Variants in TTF1 observed in about 807,000 individuals in gnomAD.
The protein encoded by TTF1 is transcription termination factor 1.
In TTF1, 64 loss-of-function variants were observed where a neutral mutation model predicts 80.2. The ratio of observed to expected loss-of-function variants is 0.80; its 90% CI spans 0.65 to 0.98. The LOEUF (loss-of-function observed/expected upper bound fraction) is 0.98, where lower values mean the gene tolerates loss of function less well. Ranked by LOEUF, TTF1 falls within the 50% of genes least tolerant of loss-of-function variation. The pLI is 0.00. For missense variants in TTF1, 1,023 were observed against 1,086.2 expected (o/e 0.94, Z 0.82); for synonymous variants, 372 against 382.7 (o/e 0.97, Z 0.33).
At chr9:132,378,205 G>A (rs1458738492) in intron 10 of TTF1, among the ~76,000 whole-genome samples, 3 of 131,198 alleles carry the variant, frequency 2.3e-5, no homozygotes, top group African/African-American at 9.0e-5. Context: ...GCATGTGCGT[G>A]TGAATGCATG....
intron 1 of TTF1, among the ~76,000 whole-genome samples, chr9:132,405,021 G>A (rs1341508403): frequency 1.4e-5 from 2 of 147,580 alleles, no homozygotes; most frequent in African/African-American, 5.0e-5. Context: ...GAGTAGCTGG[G>A]ACTACAGGTG....
At chr9:132,386,898 C>T (rs908724647) in intron 8 of TTF1, among the ~76,000 whole-genome samples, 2 of 152,208 alleles carry the variant, frequency 1.3e-5, no homozygotes, top group South Asian at 2.1e-4. Flanking sequence ...GTAAAAAACA[C>T]CACCTCATCA....
chr9:132,401,716 G>T lies in TTF1; in HGVS notation c.1106C>A (p.Thr369Asn). The T allele has an allele frequency of 2.5e-6, 4 of 1,614,116 alleles. No homozygotes were observed. The highest frequency in any genetic ancestry group is 3.4e-6 in the Non-Finnish European group (4 of 1,179,952). The change falls in exon 2 of 11, where the codon ACT (threonine) becomes AAT (asparagine). Residue 369 changes from threonine (T) to asparagine (N), a missense_variant. Coordinates refer to ENST00000334270, the MANE Select transcript of TTF1 (RefSeq NM_007344.4). ...EGSQVGSEVG[T>N]VEGSTALKGF... ...TTTAAGAGCTGTACTGCCTTCCACA[G>T]TCCCAACCTCACTGCCCACCTGTGA...
chr9:132,396,756 C>T (rs999288791), intron 4 of TTF1, among the ~76,000 whole-genome samples: 2 of 151,698 alleles, frequency 1.3e-5, no homozygotes, highest in Non-Finnish European at 2.9e-5. Flanking sequence ...CAACCTCCAT[C>T]TCTTGGGTTC....
Position 132,401,491 on chromosome 9 carries a change from G to C in TTF1, c.1331C>G (p.Ala444Gly). The C allele has an allele frequency of 1.2e-6, 2 of 1,613,904 alleles. No individual in the cohort carries two copies. Among genetic ancestry groups the C allele is most frequent in the Non-Finnish European group, 1.7e-6 (2 of 1,179,898 alleles). Residue 444 changes from alanine (A) to glycine (G), a missense_variant, in exon 2 of 11, where the codon GCC (alanine) becomes GGC (glycine). Coordinates refer to ENST00000334270, the MANE Select transcript of TTF1 (RefSeq NM_007344.4). ...KSRPRQKKTQ[A>G]CLASKHVQEA... ...TTGCACGTGCTTGCTTGCCAAACAG[G>C]CCTGGGTTTTCTTTTGTCGGGGCCT... is the stretch of plus-strand genomic sequence containing the variant.
chr9:132,397,416 CA>C (rs1849671835), intron 4 of TTF1, among the ~76,000 whole-genome samples: 1 of 152,214 alleles, frequency 6.6e-6, no homozygotes, highest in Non-Finnish European at 1.5e-5. Context: ...TCCCATATGA[CA>C]GCATGACCTT....
intron 10 of TTF1, among the ~76,000 whole-genome samples, 168 bp downstream of exon 10, chr9:132,378,891 G>A (rs1849315707): frequency 6.6e-6 from 1 of 152,032 alleles, no homozygotes; most frequent in Non-Finnish European, 1.5e-5. Context: ...CTTCATTTAG[G>A]ACTTCTGGAA....
intron 5 of TTF1, among the ~76,000 whole-genome samples, chr9:132,394,412 T>G (rs1262187159): frequency 6.6e-6 from 1 of 152,018 alleles, no homozygotes; most frequent in Non-Finnish European, 1.5e-5. Context: ...CCCAAGTAGC[T>G]GGGATTATAA....
intron 1 of TTF1, among the ~76,000 whole-genome samples, chr9:132,405,553 T>C (rs1377218735): frequency 6.6e-6 from 1 of 152,226 alleles, no homozygotes; most frequent in East Asian, 1.9e-4. Flanking sequence ...TTCCTTTCCT[T>C]CTTTTTTGTA....
chr9:132,378,956 A>C lies in TTF1; in HGVS notation c.2464+103T>G, dbSNP rs1050946717. The C allele has an allele frequency of 6.4e-6, 5 of 784,494 alleles. No individual in the cohort carries two copies. In the African/African-American group the frequency reaches 9.0e-5, roughly 14 times the overall value. 48.6% of individuals were successfully genotyped at this position (784,494 alleles called of 1,614,324 possible). A position where few individuals can be genotyped will look rare whatever the true frequency, so the allele number is the denominator to read the frequency against. ...TGTTTCCACCATTTTGCAGCTGATG[A>C]AGCTGAGGCTCTAAGTCCAGTCACC... On this transcript the variant is annotated intron_variant, in intron 10 of 10. Coordinates refer to ENST00000334270, the MANE Select transcript of TTF1 (RefSeq NM_007344.4).
rs504525 is a variant in TTF1, at chr9:132,398,220, C to G, written c.1698G>C (p.Leu566=). ...ALTGIESADK[L]LYTDRYPEEK... The stretch of plus-strand genomic sequence containing the variant: ...CCTCAGGATATCTGTCCGTGTACAG[C>G]AGCTTGTCTGCACTCTCAATGCCTG... The change falls in exon 4 of 11, where the codon CTG becomes CTC. Residue 566 remains leucine, a synonymous_variant. Transcript: ENST00000334270. 1,334,002 of 1,603,352 alleles carry G rather than the reference C, an allele frequency of 0.83. 559,576 individuals are homozygous for G. Among genetic ancestry groups the G allele is most frequent in the Non-Finnish European group, 0.86 (1,015,177 of 1,176,726 alleles).
chr9:132,390,516 G>C (rs973759903), intron 7 of TTF1, 81 bp downstream of exon 7: 1 of 1,362,172 alleles, frequency 7.3e-7, no homozygotes, highest in Non-Finnish European at 1.0e-6. Flanking sequence ...GCTTCCCCAC[G>C]GCAGTTACAC....
chr9:132,402,336 T>C lies in TTF1; in HGVS notation c.486A>G (p.Lys162=). ...GCTTTTTATTCTTTTTCTCCCTAACTTTACTGTGCAGGGCTTCTGATTTAT... is the reference window on the plus strand; with the variant it reads ...GCTTTTTATTCTTTTTCTCCCTAACCTTACTGTGCAGGGCTTCTGATTTAT... The part of the protein sequence containing the change: ...HAHKSEALHS[K]VREKKNKKHQ... Residue 162 remains lysine (K), a synonymous_variant, in exon 2 of 11, where the codon AAA becomes AAG. Transcript: ENST00000334270. 6.2e-7 allele frequency: 1 copy of C among 1,614,140 alleles called. No individual in the cohort carries two copies. The highest frequency in any genetic ancestry group is 1.1e-5 in the South Asian group (1 of 91,080).
chr9:132,377,776 T>C (rs199845814), intron 10 of TTF1, among the ~76,000 whole-genome samples: 7,514 of 123,676 alleles, frequency 0.061, 315 homozygotes, highest in East Asian at 0.24. Context: ...GCATGTGGTG[T>C]GTGTGAGTGC....
rs756664211 is a variant in TTF1 at position 132,390,822 on chromosome 9, C to G, written c.1997G>C (p.Arg666Pro). The change falls in exon 7 of 11, where the codon CGT becomes CCT. Residue 666 changes from arginine (R) to proline (P), a missense_variant. By Grantham distance (103) the Arg-to-Pro change is moderately radical. Coordinates refer to ENST00000334270, the MANE Select transcript of TTF1 (RefSeq NM_007344.4). ...KFSQISSQRN[R>P]GAWSKSETRK... ...GGTTTCAGACTTACTCCAAGCACCACGATTTCTTTCTGTAGATATAAAAAG... is the reference window on the plus strand; with the variant it reads ...GGTTTCAGACTTACTCCAAGCACCAGGATTTCTTTCTGTAGATATAAAAAG... 2.5e-6 allele frequency: 4 copies of G among 1,613,740 alleles called. No homozygotes were observed. The highest frequency in any genetic ancestry group is 2.2e-5 in the South Asian group (2 of 91,016).
At chr9:132,398,087 T>A in intron 4 of TTF1, 54 bp downstream of exon 4, 2 of 1,462,888 alleles carry the variant, frequency 1.4e-6, no homozygotes, top group South Asian at 2.9e-5. Context: ...TGGGTTATCT[T>A]GTTTATGGCT....
chr9:132,403,091 C>T (rs192419287), intron 1 of TTF1, among the ~76,000 whole-genome samples: 41 of 152,274 alleles, frequency 2.7e-4, no homozygotes, highest in African/African-American at 5.8e-4. Flanking sequence ...GATCTCCTGA[C>T]CTCATGATCC....
intron 10 of TTF1, among the ~76,000 whole-genome samples, chr9:132,377,216 G>GT (rs1849198767): frequency 7.6e-6 from 1 of 132,164 alleles, no homozygotes; most frequent in Non-Finnish European, 1.6e-5. Context: ...GCATGCATGT[G>GT]GTGTGAGTGC....
intron 6 of TTF1, 93 bp downstream of exon 6, chr9:132,391,983 C>T (rs930118748): frequency 6.0e-5 from 94 of 1,566,292 alleles, no homozygotes; most frequent in East Asian, 9.0e-5. Flanking sequence ...GACAGGTCTA[C>T]GGTGATTTCC....
Sources: gnomAD v4.1 joint callset for allele counts (sites outside exome capture counted in the v4.1 genomes callset) on GRCh38, gnomAD v4.1.1 for gene constraint, MANE v1.5 for transcripts, NCBI Gene and HGNC (gene_info 2026-07-23, HGNC 2026-07-21) for gene names.